The following NTM variants were observed in gnomAD, a reference collection of about 807,000 sequenced individuals.
NTM encodes the protein neurotrimin, also known as IgLON family member 2.
A neutral mutation model predicts 42.1 loss-of-function variants in NTM; 13 were observed. That is an observed-to-expected ratio of 0.31 (90% CI 0.20 to 0.49). NTM has a LOEUF of 0.49. Among genes scored for constraint, NTM ranks in the 20% least tolerant of loss-of-function variants. NTM has a pLI of 0.99. For missense variants in NTM, 373 were observed against 452.8 expected (o/e 0.82, Z 1.60); for synonymous variants, 187 against 179.2 (o/e 1.04, Z -0.35).
At chr11:131,474,371 C>T (rs1952722502) in intron 1 of NTM, among the ~76,000 whole-genome samples, 1 of 152,080 alleles carries the variant, frequency 6.6e-6, no homozygotes, top group Admixed American at 6.5e-5. Flanking sequence ...TCTTGCTCTA[C>T]ATCTTCTCCT....
chr11:132,334,925 G>GTGTT, intron 8 of NTM, 121 bp from the exon 9 acceptor site: 1 of 1,481,218 alleles, frequency 6.8e-7, no homozygotes. Flanking sequence ...GGAACACCAT[G>GTGTT]TGTTTCACTT....
intron 1 of NTM, among the ~76,000 whole-genome samples, chr11:131,697,324 T>A (rs1334007065): frequency 6.6e-6 from 1 of 152,220 alleles, no homozygotes; most frequent in Non-Finnish European, 1.5e-5. Context: ...GTGGGGCAAT[T>A]TTGAAAGCCT....
rs149543907 is a variant in NTM at position 132,300,716 on chromosome 11, G to C, written c.527-6973G>C. ...TTGTCTAGCTTAGCGGCACAGATTT[G>C]CATTAATTCCATATTACTGTGCCTC... On this transcript the variant is annotated intron_variant, in intron 4 of 8. Coordinates refer to ENST00000683400, the MANE Select transcript of NTM (RefSeq NM_001352005.2). 1.4e-3 allele frequency among the ~76,000 whole-genome samples: 219 copies of C among 152,300 alleles called. 3 individuals are homozygous for C. Among genetic ancestry groups the C allele is most frequent in the African/African-American group, 4.9e-3 (203 of 41,576 alleles).
chr11:131,395,864 A>G lies in NTM; in HGVS notation c.82+24976A>G, dbSNP rs145710883. Among the ~76,000 whole-genome samples, 484 of 152,250 alleles carry G rather than the reference A, an allele frequency of 3.2e-3. 2 individuals are homozygous for G. The highest frequency in any genetic ancestry group is 0.011 in the African/African-American group (462 of 41,542). The stretch of plus-strand genomic sequence containing the variant: ...GTTTATTCTTTGGTTGTCTAGATTT[A>G]TCTTCTAAAAAACACCCAGTGGCTT... On this transcript the variant is annotated intron_variant, in intron 1 of 8. Transcript: ENST00000683400.
At chr11:131,394,506 T>C (rs1241564123) in intron 1 of NTM, among the ~76,000 whole-genome samples, 1 of 152,206 alleles carries the variant, frequency 6.6e-6, no homozygotes, top group Non-Finnish European at 1.5e-5. Context: ...GCCCTTCTAC[T>C]AATGCTAGTT....
chr11:131,599,181 C>G (rs1469550425), intron 1 of NTM, among the ~76,000 whole-genome samples: 1 of 152,138 alleles, frequency 6.6e-6, no homozygotes, highest in African/African-American at 2.4e-5. Context: ...TCCCAAAGTT[C>G]TGGGATTACA....
At chr11:131,908,642 T>C (rs1304050382) in intron 1 of NTM, among the ~76,000 whole-genome samples, 2 of 152,222 alleles carry the variant, frequency 1.3e-5, no homozygotes, top group Non-Finnish European at 2.9e-5. Flanking sequence ...AATGAATGGA[T>C]GAATTATTAG....
intron 1 of NTM, among the ~76,000 whole-genome samples, chr11:131,628,529 A>G (rs2063340815): frequency 6.6e-6 from 1 of 152,198 alleles, no homozygotes; most frequent in African/African-American, 2.4e-5. Flanking sequence ...GCACGCCAGC[A>G]TATTGGAACT....
intron 1 of NTM, among the ~76,000 whole-genome samples, chr11:131,908,601 G>C (rs372760269): frequency 8.0e-4 from 122 of 152,334 alleles, no homozygotes; most frequent in African/African-American, 2.6e-3. Context: ...AAGAAGAGGG[G>C]TTGAGAGGGA....
intron 1 of NTM, among the ~76,000 whole-genome samples, chr11:131,679,235 CT>C (rs1297876347): frequency 6.6e-6 from 1 of 152,130 alleles, no homozygotes; most frequent in Non-Finnish European, 1.5e-5. Context: ...ATCTCCTCCC[CT>C]GTGCTTGAGT....
chr11:131,805,487 C>T (rs2324633), intron 1 of NTM, among the ~76,000 whole-genome samples: 7 of 151,712 alleles, frequency 4.6e-5, no homozygotes, highest in African/African-American at 1.7e-4. Flanking sequence ...TACTGTTATC[C>T]GATTATATTA....
At chr11:131,598,875 T>TCCTTCCTCCTTC (rs1174189983) in intron 1 of NTM, among the ~76,000 whole-genome samples, 1 of 35,004 alleles carries the variant, frequency 2.9e-5, no homozygotes, top group African/African-American at 9.9e-5. Context: ...CTTCCTTCCT[T>TCCTTCCTCCTTC]CTTCCTTCCT....
intron 4 of NTM, among the ~76,000 whole-genome samples, chr11:132,220,309 A>C (rs1391072419): frequency 1.3e-5 from 2 of 152,202 alleles, no homozygotes; most frequent in Non-Finnish European, 2.9e-5. Flanking sequence ...GGAGAGAAAA[A>C]AGCAGAGGAA....
intron 2 of NTM, among the ~76,000 whole-genome samples, chr11:132,139,592 G>A (rs564574161): frequency 1.3e-5 from 2 of 152,186 alleles, no homozygotes; most frequent in East Asian, 1.9e-4. Flanking sequence ...CAGAGCAAAG[G>A]CTTCTTGATT....
intron 2 of NTM, among the ~76,000 whole-genome samples, chr11:131,970,030 G>A (rs28465313): frequency 0.062 from 9,411 of 152,152 alleles, 369 homozygotes; most frequent in Middle Eastern, 0.12. Flanking sequence ...TGCTGGTCTC[G>A]AACTCCTGGG....
chr11:131,871,582 A>C (rs1299976570), intron 1 of NTM, among the ~76,000 whole-genome samples: 1 of 152,216 alleles, frequency 6.6e-6, no homozygotes, highest in African/African-American at 2.4e-5. Flanking sequence ...TATGTTTATT[A>C]ATTGATTTCT....
intron 1 of NTM, among the ~76,000 whole-genome samples, chr11:131,724,695 A>G (rs979858100): frequency 2.6e-5 from 4 of 152,162 alleles, no homozygotes; most frequent in African/African-American, 4.8e-5. Context: ...GATGCCTGAG[A>G]AAAGAAAGGA....
intron 1 of NTM, among the ~76,000 whole-genome samples, chr11:131,607,334 C>T (rs952485730): frequency 1.3e-5 from 2 of 152,102 alleles, no homozygotes; most frequent in Non-Finnish European, 2.9e-5. Context: ...TGCTGTTTTG[C>T]GGTTATAGTC....
At chr11:131,524,433 A>G (rs1226219243) in intron 1 of NTM, among the ~76,000 whole-genome samples, 1 of 152,226 alleles carries the variant, frequency 6.6e-6, no homozygotes, top group Admixed American at 6.5e-5. Context: ...CCAGACTCAG[A>G]GAAAGGGGAA....
Sources: allele counts gnomAD v4.1 joint callset (sites outside exome capture counted in the v4.1 genomes callset), GRCh38; gene constraint gnomAD v4.1.1; transcripts MANE v1.5; gene names NCBI Gene and HGNC (gene_info 2026-07-23, HGNC 2026-07-21).